AR: variants seen among roughly 807,000 people sequenced by gnomAD.
The protein encoded by AR is dihydrotestosterone receptor.
Under a neutral mutation model 53.9 loss-of-function variants are expected in AR, and 8 were observed. That is an observed-to-expected ratio of 0.15 (90% CI 0.09 to 0.27). AR has a LOEUF of 0.27. Ranked by LOEUF, AR falls within the 10% of genes least tolerant of loss-of-function variation. The probability of loss-of-function intolerance (pLI) is 1.00; values close to 1 mark genes in which losing one functional copy is unlikely to be tolerated. For missense variants in AR, 639 were observed against 742.5 expected, an observed-to-expected ratio of 0.86 and a Z score of 1.62; for synonymous variants, 359 against 316.4, an observed-to-expected ratio of 1.13 and a Z score of -1.43.
chrX:67,695,024 T>G, intron 3 of AR: 1 of 868,855 alleles, frequency 1.2e-6, no homozygotes, highest in Non-Finnish European at 1.4e-6. Context: ...GCAAAGTGCT[T>G]TTTGATTGTT....
chrX:67,677,603 G>A (rs990420869), intron 2 of AR, among the ~76,000 whole-genome samples: 2 of 112,075 alleles, frequency 1.8e-5, no homozygotes, highest in Admixed American at 9.5e-5. Context: ...TATAAATCGA[G>A]AGGAATGGTC....
intron 1 of AR, among the ~76,000 whole-genome samples, chrX:67,602,271 A>G (rs1318705266): frequency 8.9e-6 from 1 of 112,082 alleles, no homozygotes; most frequent in Admixed American, 9.5e-5. Flanking sequence ...GGAACTTTGT[A>G]TCTGCCTCAC....
At chrX:67,550,999 G>A (rs62604347) in intron 1 of AR, among the ~76,000 whole-genome samples, 1 of 75,685 alleles carries the variant, frequency 1.3e-5, no homozygotes, top group Non-Finnish European at 2.2e-5. Context: ...ATGAATAGCT[G>A]GGTTTTTTTT....
chrX:67,576,317 A>G (rs951314652), intron 1 of AR, among the ~76,000 whole-genome samples: 1 of 110,568 alleles, frequency 9.0e-6, no homozygotes, highest in Non-Finnish European at 1.9e-5. Flanking sequence ...ATTTGGTTCC[A>G]TTGTATATAG....
At chrX:67,626,611 TA>T (rs1488725556) in intron 1 of AR, among the ~76,000 whole-genome samples, 2 of 14,730 alleles carry the variant, frequency 1.4e-4, no homozygotes, top group East Asian at 2.1e-3. Context: ...CGACTAATTT[TA>T]TATATATATA....
At chrX:67,622,551 A>G (rs1055453170) in intron 1 of AR, among the ~76,000 whole-genome samples, 1 of 112,005 alleles carries the variant, frequency 8.9e-6, no homozygotes, top group Non-Finnish European at 1.9e-5. Context: ...GAAATCACCA[A>G]TAGGGCTATA....
intron 1 of AR, among the ~76,000 whole-genome samples, chrX:67,632,129 G>A (rs1444242182): frequency 4.4e-5 from 5 of 113,014 alleles, no homozygotes; most frequent in Non-Finnish European, 9.4e-5. Flanking sequence ...GAAGCCTATA[G>A]AGGCAGGCAG....
intron 1 of AR, among the ~76,000 whole-genome samples, chrX:67,628,583 C>T (rs1312683972): frequency 9.2e-6 from 1 of 108,686 alleles, no homozygotes; most frequent in East Asian, 2.9e-4. Flanking sequence ...CATCTGCAAA[C>T]AGGGACAATT....
At chrX:67,550,429 C>T (rs1929946523) in intron 1 of AR, among the ~76,000 whole-genome samples, 1 of 110,714 alleles carries the variant, frequency 9.0e-6, no homozygotes, top group African/African-American at 3.3e-5. Flanking sequence ...TCTTTGGTCT[C>T]CTTATGCGTA....
chrX:67,558,130 G>T (rs976373957), intron 1 of AR, among the ~76,000 whole-genome samples: 9 of 112,041 alleles, frequency 8.0e-5, no homozygotes, highest in Non-Finnish European at 1.5e-4. Flanking sequence ...GCAAGCTAGT[G>T]CCTGAGCCTA....
chrX:67,631,734 A>G (rs1247196923), intron 1 of AR, among the ~76,000 whole-genome samples: 9 of 111,789 alleles, frequency 8.1e-5, no homozygotes, highest in African/African-American at 2.6e-4. Context: ...TAGTGTTTCC[A>G]GTTTTTCTGC....
chrX:67,544,082 G>A lies in AR; in HGVS notation c.-1065G>A, dbSNP rs947740642. ...GGGAGAGCGGGACGGTCCGGAGCAAGCCCAGAGGCAGAGGAGGCGACAGAG... is the reference window on the plus strand; with the variant it reads ...GGGAGAGCGGGACGGTCCGGAGCAAACCCAGAGGCAGAGGAGGCGACAGAG... On this transcript the variant is annotated 5_prime_UTR_variant, in exon 1 of 8. Coordinates refer to ENST00000374690, the MANE Select transcript of AR (RefSeq NM_000044.6). 2.3e-5 allele frequency: 4 copies of A among 170,321 alleles called. No individual in the cohort carries two copies. The highest frequency in any genetic ancestry group is 3.4e-5 in the Non-Finnish European group (3 of 89,042). The allele number at this position is 170,321 out of a possible 1,213,427, so 14.0% of individuals were successfully genotyped here. A position where few individuals can be genotyped will look rare whatever the true frequency, so the allele number is the denominator to read the frequency against.
chrX:67,725,403 T>G lies in AR; in HGVS notation c.*1562T>G, dbSNP rs2147542949. ...TCCCAGCAAGTGGAGAAGTTCTCAC[T>G]TCCTTCTTTAGAGCAGCTAAAGGGG... On this transcript the variant is annotated 3_prime_UTR_variant, in exon 8 of 8. Transcript: ENST00000374690. 1 of 174,067 alleles carries G rather than the reference T, an allele frequency of 5.7e-6. No homozygotes were observed. The highest frequency in any genetic ancestry group is 2.9e-5 in the African/African-American group (1 of 33,948). The allele number at this position is 174,067 out of a possible 1,213,427, so 14.3% of individuals were successfully genotyped here. A position where few individuals can be genotyped will look rare whatever the true frequency, so the allele number is the denominator to read the frequency against.
intron 3 of AR, among the ~76,000 whole-genome samples, chrX:67,691,407 G>T (rs924143216): frequency 1.8e-5 from 2 of 112,028 alleles, no homozygotes; most frequent in African/African-American, 6.5e-5. Context: ...TGTCAAATAA[G>T]TGAGGGAAAC....
intron 3 of AR, among the ~76,000 whole-genome samples, chrX:67,708,497 G>C (rs779742684): frequency 1.8e-5 from 2 of 111,680 alleles, no homozygotes; most frequent in African/African-American, 6.5e-5. Context: ...GCTCCATCAG[G>C]TCATTTAAGG....
intron 2 of AR, among the ~76,000 whole-genome samples, chrX:67,663,095 C>A (rs764112249): frequency 4.1e-4 from 46 of 111,666 alleles, no homozygotes; most frequent in African/African-American, 1.5e-3. Flanking sequence ...CAGTCTGTGT[C>A]TTTTAATTGG....
At position 67,717,609 on chromosome X, in the gene AR, C is replaced by T. The variant is rs2147531151; in HGVS notation, c.2305C>T (p.Leu769=). 1 of 1,212,386 alleles carries T rather than the reference C, an allele frequency of 8.2e-7. No individual in the cohort carries two copies. Residue 769 remains leucine, a synonymous_variant, in exon 5 of 8, where the codon CTG becomes TTG. Coordinates refer to ENST00000374690, the MANE Select transcript of AR (RefSeq NM_000044.6). ...CAGGATGCTCTACTTCGCCCCTGAT[C>T]TGGTTTTCAATGAGTAAGTGCTCCT... ...NSRMLYFAPD[L]VFNEYRMHKS... is the part of the protein sequence containing the mutation.
chrX:67,619,672 C>T (rs769162819), intron 1 of AR, among the ~76,000 whole-genome samples: 11 of 111,065 alleles, frequency 9.9e-5, no homozygotes, highest in Non-Finnish European at 1.5e-4. Context: ...ATGCATACCT[C>T]ATGCATTTGT....
chrX:67,708,217 G>C (rs1178649765), intron 3 of AR, among the ~76,000 whole-genome samples: 1 of 111,746 alleles, frequency 8.9e-6, no homozygotes, highest in African/African-American at 3.3e-5. Context: ...AGTTCTCCTG[G>C]GGAATATCCT....
Sources: gnomAD v4.1 joint callset for allele counts (sites outside exome capture counted in the v4.1 genomes callset) on GRCh38, gnomAD v4.1.1 for gene constraint, MANE v1.5 for transcripts, NCBI Gene and HGNC (gene_info 2026-07-23, HGNC 2026-07-21) for gene names.